Variants in ABCB8 observed in about 807,000 individuals in gnomAD.
ABCB8 encodes the protein ATP binding cassette subfamily B member 8, also known as mitochondrial potassium channel ATP-binding subunit.
ABCB8 carries 52 observed loss-of-function variants against 73.0 expected under a neutral mutation model. The observed-to-expected ratio is 0.71, with a 90% CI of 0.57 to 0.90. ABCB8 has a LOEUF of 0.90. Ranked by LOEUF, ABCB8 falls within the 40% of genes least tolerant of loss-of-function variation. The probability of loss-of-function intolerance (pLI) is 0.00; values close to 1 mark genes in which losing one functional copy is unlikely to be tolerated. For synonymous variants in ABCB8, 428 were observed against 423.5 expected, an observed-to-expected ratio of 1.01 and a Z score of -0.13; for missense variants, 909 against 974.6, an observed-to-expected ratio of 0.93 and a Z score of 0.90.
rs1313738672 is a variant in ABCB8, at chr7:151,047,252, A to G, written c.*1903A>G. 3 of 150,890 alleles carry G rather than the reference A, an allele frequency of 2.0e-5. No individual in the cohort carries two copies. The highest frequency in any genetic ancestry group is 4.4e-5 in the Non-Finnish European group (3 of 67,766). 9.3% of individuals were successfully genotyped at this position (150,890 alleles called of 1,614,324 possible). A position where few individuals can be genotyped will look rare whatever the true frequency, so the allele number is the denominator to read the frequency against. On this transcript the variant is annotated 3_prime_UTR_variant, in exon 16 of 16. Coordinates refer to ENST00000358849, the MANE Select transcript of ABCB8 (RefSeq NM_007188.5). The stretch of plus-strand genomic sequence containing the variant: ...AGCAGTGAAACCCCTTGGCTAGTCC[A>G]GCTGGAAGAGCTAGACCGCAGGAGC...
intron 10 of ABCB8, 76 bp from the exon 11 acceptor site, chr7:151,040,422 G>C (rs1796423912): frequency 6.3e-7 from 1 of 1,580,142 alleles, no homozygotes. Flanking sequence ...CCAGCCCAGA[G>C]CCATGGCCAC....
intron 13 of ABCB8, among the ~76,000 whole-genome samples, 163 bp from the exon 14 acceptor site, chr7:151,041,798 C>T (rs1279694945): frequency 6.6e-6 from 1 of 152,236 alleles, no homozygotes; most frequent in Non-Finnish European, 1.5e-5. Context: ...TTGGGGGCCA[C>T]TCTGCATCCT....
chr7:151,035,225 G>A (rs923497311), intron 5 of ABCB8, among the ~76,000 whole-genome samples: 2 of 152,188 alleles, frequency 1.3e-5, no homozygotes, highest in African/African-American at 2.4e-5. Context: ...CGCCCACACC[G>A]ACTCTGACTG....
At chr7:151,036,037 C>A in intron 7 of ABCB8, 36 bp from the exon 8 acceptor site, 1 of 1,612,802 alleles carries the variant, frequency 6.2e-7, no homozygotes, top group Non-Finnish European at 8.5e-7. Flanking sequence ...CGTGCCAGCC[C>A]AGCTGCCTCC....
At chr7:151,040,332 G>A (rs747992695) in intron 10 of ABCB8, 31 bp downstream of exon 10, 13 of 1,611,590 alleles carry the variant, frequency 8.1e-6, no homozygotes, top group South Asian at 7.7e-5. Context: ...AGGGCCTGGG[G>A]TGTGGAGTTT....
At position 151,047,435 on chromosome 7, in the gene ABCB8, G is replaced by A. The variant is rs1047021141; in HGVS notation, c.*2086G>A. ...CACTGTGGCTCTGGGGAGCTGGTAC[G>A]CCTGTGCTGTAACCATGGTACTCAG... On this transcript the variant is annotated 3_prime_UTR_variant, in exon 16 of 16. Transcript: ENST00000358849. 1 of 152,228 alleles carries A rather than the reference G, an allele frequency of 6.6e-6. No homozygotes were observed. Among genetic ancestry groups the A allele is most frequent in the South Asian group, 2.1e-4 (1 of 4,828 alleles). The allele number at this position is 152,228 out of a possible 1,614,324, so 9.4% of individuals were successfully genotyped here.
In ABCB8 at chr7:151,034,944, C is replaced by T. The variant is rs574907803; in HGVS notation, c.765+115C>T. The T allele has an allele frequency of 1.5e-4, 130 of 888,514 alleles. No individual in the cohort carries two copies. The African/African-American group carries it at 1.8e-3, about 12-fold the overall frequency. 55.0% of individuals were successfully genotyped at this position (888,514 alleles called of 1,614,324 possible). A position where few individuals can be genotyped will look rare whatever the true frequency, so the allele number is the denominator to read the frequency against. ...TTGGGCTGACAGGCGCATGCTGACT[C>T]GAGAAACCCACTGCCTGTGAGGGCA... On this transcript the variant is annotated intron_variant, in intron 5 of 15. Coordinates refer to ENST00000358849, the MANE Select transcript of ABCB8 (RefSeq NM_007188.5).
Position 151,033,881 on chromosome 7 carries a change from G to C in ABCB8, c.372G>C (p.Leu124=). Residue 124 remains leucine, a synonymous_variant, in exon 2 of 16, where the codon CTG becomes CTC. Coordinates refer to ENST00000358849, the MANE Select transcript of ABCB8 (RefSeq NM_007188.5). The stretch of plus-strand genomic sequence containing the variant: ...ACTGGAAGCTCTTCTGGCAGTTTCT[G>C]CACCCCCACCTGCTGGTCCTGGGGG... The part of the protein sequence containing the change: ...RFNWKLFWQF[L]HPHLLVLGVA... 1 of 1,609,746 alleles carries C rather than the reference G, an allele frequency of 6.2e-7. No homozygotes were observed. Among genetic ancestry groups the C allele is most frequent in the Non-Finnish European group, 8.5e-7 (1 of 1,177,320 alleles).
intron 1 of ABCB8, chr7:151,031,157 CAACAAGCATA>C: frequency 2.2e-6 from 2 of 893,732 alleles, no homozygotes. Flanking sequence ...TGCATGTGCT[CAACAAGCATA>C]AACATTTGCG....
intron 1 of ABCB8, among the ~76,000 whole-genome samples, chr7:151,032,325 T>A (rs1796185479): frequency 6.6e-6 from 1 of 152,238 alleles, no homozygotes; most frequent in African/African-American, 2.4e-5. Context: ...CAAGCATGAC[T>A]GCTGTGAGGG....
chr7:151,045,166 C>A, intron 15 of ABCB8, 43 bp from the exon 16 acceptor site: 1 of 1,495,814 alleles, frequency 6.7e-7, no homozygotes, highest in South Asian at 1.3e-5. Context: ...CTGAAGCCTG[C>A]ATGCCTTGGA....
intron 15 of ABCB8, 87 bp from the exon 16 acceptor site, chr7:151,045,122 A>T: frequency 7.1e-7 from 1 of 1,415,302 alleles, no homozygotes. Flanking sequence ...CATGGGCCCA[A>T]TGGCTGATAG....
At chr7:151,029,594 C>T (rs1488557578) in intron 1 of ABCB8, 5 of 149,404 alleles carry the variant, frequency 3.3e-5, no homozygotes, top group Admixed American at 2.7e-4. Context: ...GCAACCTCTG[C>T]CTCCTGGGTT....
At chr7:151,041,448 C>T (rs1191108212) in intron 13 of ABCB8, among the ~76,000 whole-genome samples, 5 of 152,244 alleles carry the variant, frequency 3.3e-5, no homozygotes, top group East Asian at 1.9e-4. Context: ...AGAGCAGGGA[C>T]GCTTTGTCCG....
chr7:151,028,635 A>C (rs2303922), intron 1 of ABCB8, 25 bp downstream of exon 1: 588,923 of 1,604,200 alleles, frequency 0.37, 110,374 homozygotes, highest in African/African-American at 0.52. Flanking sequence ...ACCTACTCAG[A>C]GCGGGCCATT....
chr7:151,031,186 A>G (rs565789993), intron 1 of ABCB8: 29 of 1,113,506 alleles, frequency 2.6e-5, no homozygotes, highest in African/African-American at 6.2e-5. Context: ...CGGAACATCT[A>G]TTATGTACCG....
rs773445092 is a variant in ABCB8, at chr7:151,036,085, A to G, written c.1026A>G (p.Ala342=). 55 of 1,612,948 alleles carry G rather than the reference A, an allele frequency of 3.4e-5. 2 individuals are homozygous for G. In the South Asian group the frequency reaches 5.9e-4, roughly 17 times the overall value. The change falls in exon 8 of 16, where the codon GCA becomes GCG. Residue 342 remains alanine (A), a synonymous_variant. Transcript: ENST00000358849. ...MEQREEERYG[A]ELEACRCRAE... ...TCTCTCTCACCAGGCGCTATGGGGC[A>G]GAGCTGGAAGCCTGCCGCTGCCGGG...
chr7:151,034,098 G>A (rs1369145072), intron 2 of ABCB8, among the ~76,000 whole-genome samples, 175 bp from the exon 3 acceptor site: 1 of 152,178 alleles, frequency 6.6e-6, no homozygotes, highest in Admixed American at 6.5e-5. Context: ...GTTCCGTGGG[G>A]ACTGGAAGCC....
At chr7:151,031,338 C>A in intron 1 of ABCB8, 4 of 1,523,752 alleles carry the variant, frequency 2.6e-6, no homozygotes, top group Non-Finnish European at 3.5e-6. Context: ...CAGTGGAAAA[C>A]AAGACATAAA....
Sources: allele counts gnomAD v4.1 joint callset (sites outside exome capture counted in the v4.1 genomes callset), GRCh38; gene constraint gnomAD v4.1.1; transcripts MANE v1.5; gene names NCBI Gene and HGNC (gene_info 2026-07-23, HGNC 2026-07-21).